ASPH: variants seen among roughly 807,000 people sequenced by gnomAD.
ASPH encodes the protein aspartate beta-hydroxylase.
In ASPH, 100 loss-of-function variants were observed where a neutral mutation model predicts 118.4. The ratio of observed to expected loss-of-function variants is 0.84; its 90% CI spans 0.72 to 1.00. The LOEUF is 1.00. Among genes scored for constraint, ASPH ranks in the 50% least tolerant of loss-of-function variants. The pLI is 0.00. For missense variants in ASPH, 920 were observed against 919.5 expected (o/e 1.00, Z -0.01); for synonymous variants, 315 against 325.6 (o/e 0.97, Z 0.35).
At chr8:61,651,896 A>G (rs1448440397) in intron 4 of ASPH, among the ~76,000 whole-genome samples, 1 of 152,256 alleles carries the variant, frequency 6.6e-6, no homozygotes, top group African/African-American at 2.4e-5. Flanking sequence ...ATCTATGTTC[A>G]GTGAATAGAA....
intron 13 of ASPH, chr8:61,633,002 A>T (rs1856236314): frequency 5.9e-6 from 1 of 168,936 alleles, no homozygotes; most frequent in African/African-American, 2.4e-5. Flanking sequence ...TTGATAGAAC[A>T]TTCTTTCCCA....
chr8:61,709,515 A>G (rs1837553278), intron 1 of ASPH, among the ~76,000 whole-genome samples: 1 of 152,174 alleles, frequency 6.6e-6, no homozygotes, highest in Admixed American at 6.5e-5. Context: ...GCAGCAGATA[A>G]TGAAGCAAGC....
rs1284090514 is a variant in ASPH at position 61,500,566 on chromosome 8, A to C, written c.*2793T>G. 1 of 152,234 alleles carries C rather than the reference A, an allele frequency of 6.6e-6. No homozygotes were observed. Among genetic ancestry groups the C allele is most frequent in the Non-Finnish European group, 1.5e-5 (1 of 68,038 alleles). 9.4% of individuals were successfully genotyped at this position (152,234 alleles called of 1,614,324 possible). A position where few individuals can be genotyped will look rare whatever the true frequency, so the allele number is the denominator to read the frequency against. ...ACTAGAAATGCAGGATGAAATGTCA[A>C]AGGTCATTTTATTTACCTAGTCTCC... On this transcript the variant is annotated 3_prime_UTR_variant, in exon 25 of 25. Coordinates refer to ENST00000379454, the MANE Select transcript of ASPH (RefSeq NM_004318.4).
chr8:61,687,362 G>C (rs1830950743), intron 1 of ASPH: 1 of 152,208 alleles, frequency 6.6e-6, no homozygotes, highest in Non-Finnish European at 1.5e-5. Flanking sequence ...AAGGGATTCA[G>C]ATGGGAAGGA....
Position 61,508,457 on chromosome 8 carries a change from T to A in ASPH, c.2127-4948A>T, listed in dbSNP as rs984557965. On this transcript the variant is annotated intron_variant, in intron 24 of 24. Transcript: ENST00000379454. Reference sequence around the variant, plus strand: ...TTATTATAATTATAAATAATGATAATGATAAAATGGTGGCAGTGCATATTT... The same window carrying A: ...TTATTATAATTATAAATAATGATAAAGATAAAATGGTGGCAGTGCATATTT... Among the ~76,000 whole-genome samples the A allele has an allele frequency of 2.6e-5, 4 of 152,302 alleles. No homozygotes were observed. In the East Asian group the frequency reaches 7.7e-4, roughly 29 times the overall value.
At chr8:61,714,017 A>G (rs1044112531) in intron 1 of ASPH, among the ~76,000 whole-genome samples, 7 of 152,364 alleles carry the variant, frequency 4.6e-5, no homozygotes, top group Non-Finnish European at 7.3e-5. Flanking sequence ...CCTGCAGGTG[A>G]AGGAACCGCT....
At chr8:61,663,089 TCCATTTA>T (rs1164001735) in intron 3 of ASPH, 7 of 985,276 alleles carry the variant, frequency 7.1e-6, no homozygotes, top group Non-Finnish European at 8.4e-6. Context: ...AAAAAAACAT[TCCATTTA>T]TCTCAGGAGA....
intron 24 of ASPH, among the ~76,000 whole-genome samples, chr8:61,514,366 C>T (rs1462360842): frequency 6.6e-6 from 1 of 151,492 alleles, no homozygotes; most frequent in Non-Finnish European, 1.5e-5. Context: ...GGCTGGAGTG[C>T]AGTGGTGTAA....
At chr8:61,515,594 C>T (rs1267482728) in intron 24 of ASPH, among the ~76,000 whole-genome samples, 3 of 152,182 alleles carry the variant, frequency 2.0e-5, no homozygotes, top group Non-Finnish European at 4.4e-5. Flanking sequence ...GACTTACCTT[C>T]TCCCCTGAGT....
chr8:61,601,901 A>C (rs777100488), intron 14 of ASPH, among the ~76,000 whole-genome samples: 14 of 151,480 alleles, frequency 9.2e-5, no homozygotes, highest in Non-Finnish European at 2.1e-4. Flanking sequence ...TTCTTGAAAG[A>C]CACAAACTAC....
intron 17 of ASPH, 24 bp downstream of exon 17, chr8:61,567,143 TG>T (rs768527920): frequency 6.2e-7 from 1 of 1,609,434 alleles, no homozygotes; most frequent in South Asian, 1.1e-5. Flanking sequence ...CATTTCCTAC[TG>T]AATTACCTTT....
At chr8:61,515,435 T>C (rs1457464563) in intron 24 of ASPH, among the ~76,000 whole-genome samples, 1 of 152,192 alleles carries the variant, frequency 6.6e-6, no homozygotes, top group Non-Finnish European at 1.5e-5. Context: ...TTGCCTTTCT[T>C]GCCCCATTTC....
intron 10 of ASPH, among the ~76,000 whole-genome samples, chr8:61,642,655 C>G (rs971798680): frequency 6.6e-6 from 1 of 151,868 alleles, no homozygotes; most frequent in Non-Finnish European, 1.5e-5. Context: ...CACCTGAGAT[C>G]GGGAGTTTGA....
chr8:61,586,483 A>G (rs2132684283), intron 14 of ASPH, among the ~76,000 whole-genome samples: 1 of 152,318 alleles, frequency 6.6e-6, no homozygotes, highest in East Asian at 1.9e-4. Flanking sequence ...AAACACAACC[A>G]AAATAAGGGC....
intron 10 of ASPH, among the ~76,000 whole-genome samples, chr8:61,641,384 T>A (rs1387980712): frequency 6.6e-6 from 1 of 152,296 alleles, no homozygotes; most frequent in African/African-American, 2.4e-5. Context: ...AATCCCATCA[T>A]TACATGCAAC....
intron 14 of ASPH, among the ~76,000 whole-genome samples, chr8:61,585,892 T>A (rs958544601): frequency 6.6e-6 from 1 of 152,192 alleles, no homozygotes; most frequent in African/African-American, 2.4e-5. Flanking sequence ...CTCACTTACC[T>A]CCTCTATAAA....
At chr8:61,583,174 T>C (rs1312326483) in intron 15 of ASPH, 1 of 152,160 alleles carries the variant, frequency 6.6e-6, no homozygotes, top group Non-Finnish European at 1.5e-5. Flanking sequence ...TCCTGAGTAA[T>C]GGACTGACCT....
intron 10 of ASPH, among the ~76,000 whole-genome samples, chr8:61,642,362 C>A (rs1805555843): frequency 1.3e-5 from 2 of 152,174 alleles, no homozygotes; most frequent in Admixed American, 1.3e-4. Context: ...GTAACTGCCT[C>A]CTAAGGCAAC....
intron 20 of ASPH, among the ~76,000 whole-genome samples, chr8:61,552,828 A>T (rs1275035826): frequency 6.6e-6 from 1 of 152,220 alleles, no homozygotes; most frequent in Non-Finnish European, 1.5e-5. Context: ...AAACTATAAA[A>T]GCCAAATCCC....
Sources: gnomAD v4.1 joint callset for allele counts (sites outside exome capture counted in the v4.1 genomes callset) on GRCh38, gnomAD v4.1.1 for gene constraint, MANE v1.5 for transcripts, NCBI Gene and HGNC (gene_info 2026-07-23, HGNC 2026-07-21) for gene names.